Variants in STRIP1 observed in about 807,000 individuals in gnomAD.
STRIP1 encodes striatin-interacting protein 1.
STRIP1 carries 63 observed loss-of-function variants against 106.2 expected under a neutral mutation model. The observed-to-expected ratio is 0.59, with a 90% CI of 0.48 to 0.73. The LOEUF (loss-of-function observed/expected upper bound fraction) is 0.73, where lower values mean the gene tolerates loss of function less well. Among genes scored for constraint, STRIP1 ranks in the 30% least tolerant of loss-of-function variants. The pLI is 0.00. For missense variants in STRIP1, 857 were observed against 1,074.8 expected (o/e 0.80, Z 2.83); for synonymous variants, 390 against 413.0 (o/e 0.94, Z 0.67).
At chr1:110,040,108 G>A (rs1271028299) in intron 5 of STRIP1, among the ~76,000 whole-genome samples, 2 of 152,248 alleles carry the variant, frequency 1.3e-5, no homozygotes, top group Non-Finnish European at 2.9e-5. Flanking sequence ...CTAAGGCGCA[G>A]TTAGAGCCAG....
intron 12 of STRIP1, among the ~76,000 whole-genome samples, chr1:110,045,802 A>G (rs988163888): frequency 3.3e-5 from 5 of 151,732 alleles, no homozygotes; most frequent in Non-Finnish European, 5.9e-5. Context: ...GACAGGTTCT[A>G]AAGAGAAAAG....
intron 15 of STRIP1, among the ~76,000 whole-genome samples, chr1:110,048,530 G>A (rs777842824): frequency 6.6e-6 from 1 of 152,236 alleles, no homozygotes; most frequent in South Asian, 2.1e-4. Flanking sequence ...GGAGGCAGGG[G>A]TTGGCTAACA....
Position 110,041,745 on chromosome 1 carries a change from T to C in STRIP1, c.769T>C (p.Tyr257His). Residue 257 changes from tyrosine (Y) to histidine (H), a missense_variant, in exon 8 of 21, where the codon TAC becomes CAC. Transcript: ENST00000369795. ...TGTGTCACCTCCAGGCTCCCCGCTG[T>C]ACAACAATGAGCCATTTGCCATCAT... ...TFRAELGSPL[Y>H]NNEPFAIMLF... 6.2e-7 allele frequency: 1 copy of C among 1,614,184 alleles called. No individual in the cohort carries two copies. The highest frequency in any genetic ancestry group is 8.5e-7 in the Non-Finnish European group (1 of 1,180,028).
At chr1:110,040,614 G>C (rs1343504195) in intron 5 of STRIP1, 21 bp from the exon 6 acceptor site, 6 of 1,604,306 alleles carry the variant, frequency 3.7e-6, no homozygotes, top group East Asian at 4.5e-5. Flanking sequence ...GGAAGATGCT[G>C]ACTCTCAAAA....
chr1:110,042,119 C>T (rs1036984662), intron 8 of STRIP1, among the ~76,000 whole-genome samples: 9 of 152,184 alleles, frequency 5.9e-5, no homozygotes, highest in Admixed American at 5.2e-4. Flanking sequence ...CATAGAACAG[C>T]TCTCCCCCAG....
At chr1:110,043,304 G>A in intron 9 of STRIP1, 34 bp downstream of exon 9, 1 of 1,599,028 alleles carries the variant, frequency 6.3e-7, no homozygotes. Flanking sequence ...GACTCCTGAG[G>A]GCCCTCAAGG....
chr1:110,047,763 T>C lies in STRIP1; in HGVS notation c.1564-9T>C. 6 of 1,562,106 alleles carry C rather than the reference T, an allele frequency of 3.8e-6. No homozygotes were observed. Among genetic ancestry groups the C allele is most frequent in the Non-Finnish European group, 5.2e-6 (6 of 1,151,996 alleles). On this transcript the variant is annotated splice_polypyrimidine_tract_variant and intron_variant, in intron 14 of 20. Transcript: ENST00000369795. The stretch of plus-strand genomic sequence containing the variant: ...TCAGACCTGTGTCTGAATGGTCTAC[T>C]CTTCCCAGATTGCCCTCCTGAAGAT...
At chr1:110,049,426 CTT>C (rs529172763) in intron 16 of STRIP1, 32 bp from the exon 17 acceptor site, 73,410 of 1,218,150 alleles carry the variant, frequency 0.06, 2 homozygotes, top group East Asian at 0.063. Flanking sequence ...AGGGCCGCGC[CTT>C]TTTTTTTTTT....
chr1:110,035,656 T>A (rs1042338052), intron 1 of STRIP1, among the ~76,000 whole-genome samples: 2 of 152,106 alleles, frequency 1.3e-5, no homozygotes, highest in Admixed American at 1.3e-4. Context: ...TTAGGGCTTC[T>A]TAATGAGCAG....
At chr1:110,034,495 G>C (rs1315603675), upstream of STRIP1, 3 of 876,702 alleles carry the variant, frequency 3.4e-6, no homozygotes, top group South Asian at 2.1e-5. Flanking sequence ...AGAATATCGC[G>C]AGGTATTGGT....
In STRIP1 at chr1:110,034,829, C is replaced by T. The variant is rs971387402; in HGVS notation, c.180+12C>T. The T allele has an allele frequency of 2.8e-5, 38 of 1,376,378 alleles. No individual in the cohort carries two copies. The highest frequency in any genetic ancestry group is 4.0e-5 in the Admixed American group (1 of 25,280). 85.3% of individuals were successfully genotyped at this position (1,376,378 alleles called of 1,614,324 possible). A position where few individuals can be genotyped will look rare whatever the true frequency, so the allele number is the denominator to read the frequency against. On this transcript the variant is annotated intron_variant, in intron 1 of 20. Coordinates refer to ENST00000369795, the MANE Select transcript of STRIP1 (RefSeq NM_033088.4). ...GCAAAGACTCAGAGGTCAGGAGCTT[C>T]GGGGGGCGAGGCTCGCACCGGGTCG...
Position 110,049,580 on chromosome 1 carries a change from A to G in STRIP1, c.1889+20A>G, listed in dbSNP as rs555204670. On this transcript the variant is annotated intron_variant, in intron 17 of 20. Transcript: ENST00000369795. ...GAACAGGTGATGAGGGCCAGGGACC[A>G]TGAAGGGGTGGATATGGTCAGACGG... 5.8e-6 allele frequency: 9 copies of G among 1,552,006 alleles called. No individual in the cohort carries two copies. In the Admixed American group the frequency reaches 1.2e-4, roughly 21 times the overall value.
chr1:110,052,003 C>A, intron 20 of STRIP1, 116 bp downstream of exon 20: 1 of 1,089,578 alleles, frequency 9.2e-7, no homozygotes. Flanking sequence ...CCCCAAGGAA[C>A]AGGAAGGAGC....
intron 15 of STRIP1, 160 bp downstream of exon 15, chr1:110,048,029 A>G (rs776022739): frequency 7.8e-6 from 5 of 642,310 alleles, no homozygotes; most frequent in South Asian, 1.9e-5. Flanking sequence ...AAAGAGTTTC[A>G]CTGGTTGGGG....
At chr1:110,035,899 G>A (rs971658403) in intron 1 of STRIP1, among the ~76,000 whole-genome samples, 1 of 152,150 alleles carries the variant, frequency 6.6e-6, no homozygotes, top group Admixed American at 6.5e-5. Context: ...CGAAGTAGAC[G>A]TAATTTGAGC....
At position 110,050,111 on chromosome 1, in the gene STRIP1, T is replaced by C. The variant is rs1653221991; in HGVS notation, c.1890-232T>C. 2.6e-5 allele frequency: 14 copies of C among 533,486 alleles called. No individual in the cohort carries two copies. In the South Asian group the frequency reaches 3.0e-4, roughly 11 times the overall value. The allele number at this position is 533,486 out of a possible 1,614,324, so 33.0% of individuals were successfully genotyped here. A position where few individuals can be genotyped will look rare whatever the true frequency, so the allele number is the denominator to read the frequency against. On this transcript the variant is annotated intron_variant, in intron 17 of 20. Coordinates refer to ENST00000369795, the MANE Select transcript of STRIP1 (RefSeq NM_033088.4). ...GGGAAGCTGTGAGGGTCTCTTCCCC[T>C]TACAAGATCAACAAGCTGGCCTCTG...
chr1:110,049,890 C>T (rs1653210682), intron 17 of STRIP1: 3 of 305,024 alleles, frequency 9.8e-6, no homozygotes, highest in African/African-American at 2.2e-5. Flanking sequence ...CTAAGGGGCT[C>T]GGCCATGTGC....
chr1:110,046,969 G>C (rs111809661), intron 13 of STRIP1, among the ~76,000 whole-genome samples: 1 of 152,062 alleles, frequency 6.6e-6, no homozygotes, highest in African/African-American at 2.4e-5. Flanking sequence ...AGAATGACGT[G>C]AACCCGGGAG....
In STRIP1 at chr1:110,044,884, T is replaced by G. The variant is rs1557792444; in HGVS notation, c.1331T>G (p.Phe444Cys). Residue 444 changes from phenylalanine to cysteine, a missense_variant, in exon 11 of 21, where the codon TTT becomes TGT. This residue lies in a region of STRIP1 where 750 missense variants were observed against 989.8 expected (regional missense o/e 0.76). Coordinates refer to ENST00000369795, the MANE Select transcript of STRIP1 (RefSeq NM_033088.4). The stretch of plus-strand genomic sequence containing the variant: ...TTCCTTGAGTCCAGCCGCAGCAAAT[T>G]TATAGGTTACACTCTAGGCAGGTGA... ...EMFLESSRSK[F>C]IGYTLGSDTN... The G allele has an allele frequency of 6.2e-7, 1 of 1,614,140 alleles. No individual in the cohort carries two copies. Among genetic ancestry groups the G allele is most frequent in the East Asian group, 2.2e-5 (1 of 44,880 alleles).
Sources: allele counts gnomAD v4.1 joint callset (sites outside exome capture counted in the v4.1 genomes callset), GRCh38; gene constraint gnomAD v4.1.1; regional missense constraint gnomAD v4.1.1; transcripts MANE v1.5; gene names NCBI Gene and HGNC (gene_info 2026-07-23, HGNC 2026-07-21).